The following VPS13C variants were observed in gnomAD, a reference collection of about 807,000 sequenced individuals.
The protein encoded by VPS13C is intermembrane lipid transfer protein VPS13C.
In VPS13C, 358 loss-of-function variants were observed where a neutral mutation model predicts 456.8. The ratio of observed to expected loss-of-function variants is 0.78; its 90% CI spans 0.72 to 0.86. The LOEUF (loss-of-function observed/expected upper bound fraction) is 0.86, where lower values mean the gene tolerates loss of function less well. Among genes scored for constraint, VPS13C ranks in the 40% least tolerant of loss-of-function variants. The pLI, the probability that VPS13C is intolerant of heterozygous loss-of-function variation, is 0.00. For missense variants in VPS13C, 4,818 were observed against 4,385.4 expected (o/e 1.10, Z -2.79); for synonymous variants, 1,578 against 1,486.7 (o/e 1.06, Z -1.41).
At chr15:61,965,280 T>A (rs1336959644) in intron 30 of VPS13C, among the ~76,000 whole-genome samples, 1 of 151,886 alleles carries the variant, frequency 6.6e-6, no homozygotes, top group Non-Finnish European at 1.5e-5. Flanking sequence ...AAAGGTGGCA[T>A]CCGTGAAATT....
rs1331712766 is a variant in VPS13C at position 61,919,530 on chromosome 15, T to C, written c.7478-81A>G. The C allele has an allele frequency of 3.1e-6, 4 of 1,306,548 alleles. No individual in the cohort carries two copies. In the African/African-American group the frequency reaches 4.6e-5, roughly 15 times the overall value. 80.9% of individuals were successfully genotyped at this position (1,306,548 alleles called of 1,614,324 possible). ...TATAACAATCATTAGTACCTCAAAA[T>C]AATGAAGAGTATTTTTCCTCATCAC... On this transcript the variant is annotated intron_variant, in intron 57 of 84. Coordinates refer to ENST00000644861, the MANE Select transcript of VPS13C (RefSeq NM_020821.3).
chr15:62,057,504 G>A (rs894100351), intron 1 of VPS13C, among the ~76,000 whole-genome samples: 3 of 152,152 alleles, frequency 2.0e-5, no homozygotes, highest in East Asian at 1.9e-4. Flanking sequence ...ATAAAAGCTC[G>A]TGACTTCTAG....
At chr15:61,959,955 G>C (rs1476650845) in intron 35 of VPS13C, among the ~76,000 whole-genome samples, 2 of 152,166 alleles carry the variant, frequency 1.3e-5, no homozygotes, top group African/African-American at 4.8e-5. Flanking sequence ...TGATGGCAAA[G>C]TGAACAAGAG....
At position 61,863,462 on chromosome 15, in the gene VPS13C, T is replaced by C. The variant is rs1894336316; in HGVS notation, c.10930A>G (p.Thr3644Ala). 2 of 1,612,706 alleles carry C rather than the reference T, an allele frequency of 1.2e-6. No homozygotes were observed. The change falls in exon 82 of 85, where the codon ACA becomes GCA. Residue 3644 changes from threonine to alanine, a missense_variant. Transcript: ENST00000644861. ...YHCAIPGSKK[T>A]ILMVTNRRVL... ...TACCTATTTGTAACCATAAGGATTG[T>C]CTTCTTGCTTCCAGGAATAGCACAG...
At chr15:62,038,010 T>C (rs890561700) in intron 3 of VPS13C, among the ~76,000 whole-genome samples, 7 of 152,154 alleles carry the variant, frequency 4.6e-5, no homozygotes, top group African/African-American at 1.7e-4. Context: ...AAAGCCTTCC[T>C]ATAATACAGA....
chr15:61,936,768 T>C lies in VPS13C; in HGVS notation c.5602-18A>G, dbSNP rs771516253. ...AGAGCAACCTAGAAACCACCAATAA[T>C]TTGTTAACTCTAAGTAATAAAAAAA... On this transcript the variant is annotated intron_variant, in intron 47 of 84. Transcript: ENST00000644861. 3.8e-6 allele frequency: 6 copies of C among 1,589,134 alleles called. No individual in the cohort carries two copies. The highest frequency in any genetic ancestry group is 5.1e-6 in the Non-Finnish European group (6 of 1,171,862).
At chr15:61,914,265 T>C (rs1385421385) in intron 61 of VPS13C, among the ~76,000 whole-genome samples, 2 of 152,028 alleles carry the variant, frequency 1.3e-5, no homozygotes, top group Admixed American at 1.3e-4. Flanking sequence ...GACCCAGCCA[T>C]CAGTGTTTAA....
chr15:61,925,344 A>T (rs2043813019), intron 53 of VPS13C, 112 bp downstream of exon 53: 1 of 505,108 alleles, frequency 2.0e-6, no homozygotes, highest in Non-Finnish European at 3.4e-6. Flanking sequence ...ATATGTGACT[A>T]GCATAATGCT....
At chr15:61,995,986 G>C (rs2046371437) in intron 16 of VPS13C, among the ~76,000 whole-genome samples, 1 of 152,180 alleles carries the variant, frequency 6.6e-6, no homozygotes, top group African/African-American at 2.4e-5. Flanking sequence ...TGCACAGGCA[G>C]CTAAAACCCT....
At chr15:61,998,853 C>T (rs959072608) in intron 16 of VPS13C, among the ~76,000 whole-genome samples, 1 of 152,170 alleles carries the variant, frequency 6.6e-6, no homozygotes, top group African/African-American at 2.4e-5. Context: ...CACTCCTCAG[C>T]TTACTCAATG....
intron 15 of VPS13C, among the ~76,000 whole-genome samples, chr15:62,006,779 T>A (rs923402802): frequency 1.3e-5 from 2 of 152,228 alleles, no homozygotes; most frequent in South Asian, 2.1e-4. Flanking sequence ...GTTTCCTGAC[T>A]TTTTAATGGT....
In VPS13C at chr15:61,974,323, G is replaced by A. The variant is rs2045640889; in HGVS notation, c.2503C>T (p.Pro835Ser). Residue 835 changes from proline (P) to serine (S), a missense_variant, in exon 25 of 85, where the codon CCA (proline) becomes TCA (serine). By Grantham distance (74) the Pro-to-Ser change is moderately conservative (BLOSUM62 -1). Around this residue, in one of 3 missense-constraint regions of VPS13C, gnomAD observed 4,552 missense variants for 4,130.6 expected, o/e 1.10. Transcript: ENST00000644861. ...GGAGACTGGGCTGATGATTTCTGTGGCAAAGGTATACTGTTCATCAAATAT... is the reference window on the plus strand; with the variant it reads ...GGAGACTGGGCTGATGATTTCTGTGACAAAGGTATACTGTTCATCAAATAT... ...VLYLMNSIPL[P>S]QKSSAQSPER... 1.9e-6 allele frequency: 3 copies of A among 1,612,062 alleles called. No individual in the cohort carries two copies. The highest frequency in any genetic ancestry group is 8.5e-7 in the Non-Finnish European group (1 of 1,178,752).
intron 58 of VPS13C, 140 bp downstream of exon 58, chr15:61,919,148 AT>A (rs2043566169): frequency 6.3e-6 from 5 of 797,690 alleles, no homozygotes; most frequent in Non-Finnish European, 7.3e-6. Flanking sequence ...TTCTGTTACT[AT>A]TTATTTCTGA....
intron 28 of VPS13C, among the ~76,000 whole-genome samples, chr15:61,968,264 T>C (rs1243884010): frequency 4.0e-5 from 6 of 151,864 alleles, no homozygotes; most frequent in Admixed American, 1.3e-4. Flanking sequence ...CAACTTCAGA[T>C]TGAAATATTA....
chr15:61,960,742 C>T lies in VPS13C; in HGVS notation c.3908+847G>A, dbSNP rs184256665. Reference sequence around the variant, plus strand: ...CACAGTACTATTTTTTTCCATTTTTCTGTAGGTCTGAAATTTTTTAAAACA... The same window carrying T: ...CACAGTACTATTTTTTTCCATTTTTTTGTAGGTCTGAAATTTTTTAAAACA... On this transcript the variant is annotated intron_variant, in intron 35 of 84. Transcript: ENST00000644861. Among the ~76,000 whole-genome samples, 22 of 152,054 alleles carry T rather than the reference C, an allele frequency of 1.4e-4. No homozygotes were observed. The East Asian group carries it at 4.3e-3, about 29-fold the overall frequency.
At chr15:61,919,519 G>C in intron 57 of VPS13C, 70 bp from the exon 58 acceptor site, 3 of 1,351,874 alleles carry the variant, frequency 2.2e-6, no homozygotes, top group Non-Finnish European at 2.9e-6. Flanking sequence ...ACAATCATTA[G>C]TACCTCAAAA....
At chr15:61,985,939 AAC>A (rs1461043098) in intron 18 of VPS13C, among the ~76,000 whole-genome samples, 1 of 152,078 alleles carries the variant, frequency 6.6e-6, no homozygotes, top group Admixed American at 6.6e-5. Context: ...GCACTGCTAA[AAC>A]ACATTCTTTT....
chr15:61,854,991 T>G, intron 83 of VPS13C, 37 bp from the exon 84 acceptor site: 1 of 1,549,712 alleles, frequency 6.5e-7, no homozygotes, highest in Non-Finnish European at 8.7e-7. Flanking sequence ...AAGAAATTAT[T>G]CTGAGGAAGA....
At chr15:62,050,805 C>CAAAA (rs34228451) in intron 1 of VPS13C, among the ~76,000 whole-genome samples, 2 of 55,886 alleles carry the variant, frequency 3.6e-5, no homozygotes, top group African/African-American at 6.5e-5. Context: ...GACCCAGTCT[C>CAAAA]AAAAAAAAAA....
Sources: gnomAD v4.1 joint callset for allele counts (sites outside exome capture counted in the v4.1 genomes callset) on GRCh38, gnomAD v4.1.1 for gene constraint, gnomAD v4.1.1 regional missense constraint, MANE v1.5 for transcripts, NCBI Gene and HGNC (gene_info 2026-07-23, HGNC 2026-07-21) for gene names.